Variants in HTR2C observed in about 807,000 individuals in gnomAD.
The protein encoded by HTR2C is 5-hydroxytryptamine (serotonin) receptor 2C, G protein-coupled.
Under a neutral mutation model 21.0 loss-of-function variants are expected in HTR2C, and 5 were observed. The ratio of observed to expected loss-of-function variants is 0.24; its 90% CI spans 0.12 to 0.50. The LOEUF (loss-of-function observed/expected upper bound fraction) is 0.50. Ranked by LOEUF, HTR2C falls within the 20% of genes least tolerant of loss-of-function variation. The pLI is 0.98. For synonymous variants in HTR2C, 150 were observed against 145.3 expected, an observed-to-expected ratio of 1.03 and a Z score of -0.23; for missense variants, 271 against 371.2, an observed-to-expected ratio of 0.73 and a Z score of 2.22.
intron 1 of HTR2C, among the ~76,000 whole-genome samples, chrX:114,610,770 A>T (rs1369703991): frequency 9.0e-6 from 1 of 111,238 alleles, no homozygotes; most frequent in Non-Finnish European, 1.9e-5. Flanking sequence ...CAGAGCGTTA[A>T]TCATAAAATG....
chrX:114,833,089 G>A (rs2070744884), intron 4 of HTR2C, among the ~76,000 whole-genome samples: 1 of 90,667 alleles, frequency 1.1e-5, no homozygotes, highest in Non-Finnish European at 2.2e-5. Context: ...ATGTGCTGCT[G>A]GATTCGTTTT....
At chrX:114,615,370 T>TA (rs34461892) in intron 2 of HTR2C, among the ~76,000 whole-genome samples, 18,367 of 109,216 alleles carry the variant, frequency 0.17, 1,157 homozygotes, top group South Asian at 0.3. Context: ...GGGGAAAAAA[T>TA]AAAAAAAAAT....
chrX:114,822,046 C>A (rs181744965), intron 4 of HTR2C, among the ~76,000 whole-genome samples: 1 of 110,236 alleles, frequency 9.1e-6, no homozygotes, highest in Non-Finnish European at 1.9e-5. Context: ...GGGGTTTCGC[C>A]ATGTTGGCCA....
At chrX:114,700,752 G>A (rs1251689397) in intron 2 of HTR2C, among the ~76,000 whole-genome samples, 3 of 112,599 alleles carry the variant, frequency 2.7e-5, no homozygotes, top group Admixed American at 9.3e-5. Flanking sequence ...GAAGCACGGC[G>A]AGGCATTGCC....
intron 5 of HTR2C, among the ~76,000 whole-genome samples, chrX:114,853,739 A>G (rs1019533646): frequency 1.8e-5 from 2 of 111,798 alleles, no homozygotes. Flanking sequence ...TATAAATGCT[A>G]TTACATAAAT....
intron 4 of HTR2C, among the ~76,000 whole-genome samples, chrX:114,802,683 ATTCTTTCTTTCTTTCTTTCTTTCT>A (rs57990660): frequency 1.5e-5 from 1 of 66,793 alleles, no homozygotes; most frequent in African/African-American, 5.6e-5. Context: ...CTATGCTTAG[ATTCTTTCTTTCTTTCTTTCTTTCT>A]TTCTTTCTTT....
intron 3 of HTR2C, among the ~76,000 whole-genome samples, chrX:114,729,877 C>T (rs985940459): frequency 4.5e-5 from 5 of 111,580 alleles, no homozygotes; most frequent in Admixed American, 1.9e-4. Context: ...AAGAATCATC[C>T]TTCAACTATC....
chrX:114,612,434 C>A (rs1212532382), intron 1 of HTR2C, among the ~76,000 whole-genome samples: 1 of 111,639 alleles, frequency 9.0e-6, no homozygotes, highest in Non-Finnish European at 1.9e-5. Flanking sequence ...AATGTCCTTG[C>A]ACCAAATTTA....
In HTR2C at chrX:114,906,793, A is replaced by G; in HGVS notation, c.755A>G (p.His252Arg). Residue 252 changes from histidine to arginine, a missense_variant, in exon 6 of 6, where the codon CAC becomes CGC. Transcript: ENST00000276198. The part of the protein sequence containing the change: ...RRQALMLLHG[H>R]TEEPPGLSLD... ...CAAGCTTTGATGTTACTGCACGGCCACACCGAGGAACCGCCTGGACTAAGT... is the reference window on the plus strand; with the variant it reads ...CAAGCTTTGATGTTACTGCACGGCCGCACCGAGGAACCGCCTGGACTAAGT... 8.3e-7 allele frequency: 1 copy of G among 1,210,909 alleles called. No individual in the cohort carries two copies.
At chrX:114,866,759 C>G (rs1352275948) in intron 5 of HTR2C, among the ~76,000 whole-genome samples, 3 of 111,203 alleles carry the variant, frequency 2.7e-5, no homozygotes, top group African/African-American at 9.8e-5. Flanking sequence ...TGATGTTTGT[C>G]TTTCTGTGCC....
intron 2 of HTR2C, among the ~76,000 whole-genome samples, chrX:114,632,022 A>G (rs1569479648): frequency 8.9e-6 from 1 of 112,343 alleles, no homozygotes; most frequent in Non-Finnish European, 1.9e-5. Flanking sequence ...TAGAAGCTAA[A>G]TAAATAACTA....
At chrX:114,694,434 A>AATATATAT (rs782501990) in intron 2 of HTR2C, among the ~76,000 whole-genome samples, 15 of 91,914 alleles carry the variant, frequency 1.6e-4, no homozygotes, top group Non-Finnish European at 2.3e-4. Flanking sequence ...TCCTCAACTA[A>AATATATAT]ATATATATAT....
At chrX:114,820,428 G>A (rs1411579545) in intron 4 of HTR2C, among the ~76,000 whole-genome samples, 1 of 109,384 alleles carries the variant, frequency 9.1e-6, no homozygotes, top group Non-Finnish European at 1.9e-5. Context: ...TTAAAAAATG[G>A]CAATAATTTA....
At chrX:114,753,069 G>A (rs782655526) in intron 4 of HTR2C, among the ~76,000 whole-genome samples, 1 of 106,240 alleles carries the variant, frequency 9.4e-6, no homozygotes, top group South Asian at 4.4e-4. Flanking sequence ...ACTGGCTGGG[G>A]AACTCAATAC....
chrX:114,723,778 G>A (rs2147335653), intron 2 of HTR2C, among the ~76,000 whole-genome samples: 1 of 109,003 alleles, frequency 9.2e-6, no homozygotes, highest in Admixed American at 9.9e-5. Flanking sequence ...TATGTACCCA[G>A]TAGTCATTCA....
chrX:114,607,352 G>T (rs1383776423), intron 1 of HTR2C, among the ~76,000 whole-genome samples: 1 of 111,437 alleles, frequency 9.0e-6, no homozygotes, highest in African/African-American at 3.3e-5. Flanking sequence ...CCATTTATTG[G>T]ATACTTAAAG....
chrX:114,704,861 T>G (rs1157186795), intron 2 of HTR2C, among the ~76,000 whole-genome samples: 1 of 106,660 alleles, frequency 9.4e-6, no homozygotes, highest in African/African-American at 3.4e-5. Flanking sequence ...CAGCAAAGTC[T>G]CAGGATACAA....
chrX:114,865,163 T>C (rs1394724683), intron 5 of HTR2C, among the ~76,000 whole-genome samples: 1 of 111,598 alleles, frequency 9.0e-6, no homozygotes, highest in Non-Finnish European at 1.9e-5. Flanking sequence ...ATATAGGATA[T>C]ACTCTTTTGT....
At chrX:114,633,935 T>TAC (rs1929736718) in intron 2 of HTR2C, among the ~76,000 whole-genome samples, 1 of 31,344 alleles carries the variant, frequency 3.2e-5, no homozygotes, top group Non-Finnish European at 6.2e-5. Flanking sequence ...TGCATGTGTA[T>TAC]ATATATATAT....
Sources: gnomAD v4.1 joint callset for allele counts (sites outside exome capture counted in the v4.1 genomes callset) on GRCh38, gnomAD v4.1.1 for gene constraint, MANE v1.5 for transcripts, NCBI Gene and HGNC (gene_info 2026-07-23, HGNC 2026-07-21) for gene names.